The following CDH12 variants were observed in gnomAD, a reference collection of about 807,000 sequenced individuals.
CDH12 encodes the protein cadherin 12.
A neutral mutation model predicts 74.1 loss-of-function variants in CDH12; 41 were observed. The observed-to-expected ratio is 0.55, with a 90% confidence interval of 0.43 to 0.72. CDH12 has a LOEUF of 0.72. Among genes scored for constraint, CDH12 ranks in the 30% least tolerant of loss-of-function variants. The pLI is 0.00. For missense variants in CDH12, 945 were observed against 977.2 expected (o/e 0.97, Z 0.44); for synonymous variants, 399 against 355.0 (o/e 1.12, Z -1.39).
chr5:21,914,858 T>C (rs1428547395), intron 6 of CDH12, among the ~76,000 whole-genome samples: 1 of 152,218 alleles, frequency 6.6e-6, no homozygotes. Flanking sequence ...AAATTAATCA[T>C]CACATGAAAT....
chr5:22,021,795 T>C (rs184087007), intron 5 of CDH12, among the ~76,000 whole-genome samples: 1 of 152,284 alleles, frequency 6.6e-6, no homozygotes, highest in African/African-American at 2.4e-5. Flanking sequence ...TGCGGTTCTG[T>C]TATTAGAGCA....
At chr5:22,349,793 G>A (rs921284641) in intron 3 of CDH12, among the ~76,000 whole-genome samples, 11 of 152,122 alleles carry the variant, frequency 7.2e-5, no homozygotes, top group Non-Finnish European at 1.5e-5. Flanking sequence ...GGAGTGCAGT[G>A]GCGCAATCTC....
chr5:22,684,895 A>T (rs1333621760), intron 1 of CDH12, among the ~76,000 whole-genome samples: 1 of 152,170 alleles, frequency 6.6e-6, no homozygotes, highest in Admixed American at 6.5e-5. Flanking sequence ...CAGTGTCCCA[A>T]TTAATAGAAC....
intron 1 of CDH12, among the ~76,000 whole-genome samples, chr5:22,769,954 G>A (rs947068897): frequency 4.0e-5 from 6 of 151,362 alleles, no homozygotes; most frequent in African/African-American, 7.3e-5. Flanking sequence ...CAAGATACAC[G>A]CACGGACACA....
chr5:22,011,415 T>C (rs988241116), intron 5 of CDH12, among the ~76,000 whole-genome samples: 20 of 152,238 alleles, frequency 1.3e-4, no homozygotes, highest in African/African-American at 4.8e-4. Context: ...AGAAAAAGAA[T>C]AATGAGAGAT....
rs1561267984 is a variant in CDH12 at position 21,880,560 on chromosome 5, T to TTCCTTCCTTCCTTCCTTCCTTCCC, written c.527-25771_527-25770insGGGAAGGAAGGAAGGAAGGAAGGA. Among the ~76,000 whole-genome samples the TTCCTTCCTTCCTTCCTTCCTTCCC allele has an allele frequency of 6.8e-5, 8 of 117,218 alleles. No homozygotes were observed. In the East Asian group the frequency reaches 1.9e-3, roughly 28 times the overall value. The allele number at this position is 117,218 out of a possible 152,430, so 76.9% of individuals were successfully genotyped here. ...TTTCCTTCCTTCCTTCCTTCCTTCC[T>TTCCTTCCTTCCTTCCTTCCTTCCC]TCCCTTCTTTCTTTCCTTCCTTCCT... On this transcript the variant is annotated intron_variant, in intron 6 of 14. Transcript: ENST00000382254.
intron 3 of CDH12, among the ~76,000 whole-genome samples, chr5:22,301,538 A>C (rs1413687472): frequency 6.6e-6 from 1 of 152,224 alleles, no homozygotes; most frequent in Non-Finnish European, 1.5e-5. Flanking sequence ...ATATACTGCA[A>C]AATTTCAGTG....
At chr5:21,887,547 C>T (rs7720066) in intron 6 of CDH12, among the ~76,000 whole-genome samples, 5,042 of 150,620 alleles carry the variant, frequency 0.033, 90 homozygotes, top group Middle Eastern at 0.048. Flanking sequence ...GGAGACACTG[C>T]GGATCCATAG....
At chr5:22,741,956 G>A (rs568449286) in intron 1 of CDH12, among the ~76,000 whole-genome samples, 73 of 152,238 alleles carry the variant, frequency 4.8e-4, no homozygotes, top group African/African-American at 1.7e-3. Flanking sequence ...AGAGACAGGT[G>A]GATCACCTGA....
intron 1 of CDH12, among the ~76,000 whole-genome samples, chr5:22,823,364 C>A (rs1207803807): frequency 1.3e-5 from 2 of 152,056 alleles, no homozygotes; most frequent in Non-Finnish European, 2.9e-5. Flanking sequence ...GCACATCTAT[C>A]CTAAAACTTA....
At chr5:22,314,390 G>A (rs1207741178) in intron 3 of CDH12, among the ~76,000 whole-genome samples, 1 of 152,140 alleles carries the variant, frequency 6.6e-6, no homozygotes, top group African/African-American at 2.4e-5. Flanking sequence ...AATCCAGTAT[G>A]GGTGATGTCC....
At chr5:21,946,739 C>T (rs964813209) in intron 6 of CDH12, among the ~76,000 whole-genome samples, 8 of 152,174 alleles carry the variant, frequency 5.3e-5, no homozygotes, top group Admixed American at 6.5e-5. Context: ...GCTGTCTTAA[C>T]ATTATAGTCT....
intron 5 of CDH12, among the ~76,000 whole-genome samples, chr5:22,047,426 A>T (rs1271723006): frequency 6.6e-6 from 1 of 152,012 alleles, no homozygotes; most frequent in Admixed American, 6.6e-5. Flanking sequence ...CATAATGACA[A>T]CTTATTTGGG....
chr5:22,734,797 C>T (rs1744603188), intron 1 of CDH12, among the ~76,000 whole-genome samples: 1 of 151,818 alleles, frequency 6.6e-6, no homozygotes. Context: ...CGTTGTAAAC[C>T]TGTTTCCTAA....
intron 5 of CDH12, among the ~76,000 whole-genome samples, chr5:22,043,220 C>A (rs1739697930): frequency 6.6e-6 from 1 of 152,068 alleles, no homozygotes; most frequent in Non-Finnish European, 1.5e-5. Flanking sequence ...AAAACAAATA[C>A]AGCAGCATAT....
rs531541510 is a variant in CDH12 at position 22,085,353 on chromosome 5, G to A, written c.-186-6491C>T. Among the ~76,000 whole-genome samples, 4 of 152,114 alleles carry A rather than the reference G, an allele frequency of 2.6e-5. No homozygotes were observed. The East Asian group carries it at 5.8e-4, about 22-fold the overall frequency. On this transcript the variant is annotated intron_variant, in intron 4 of 14. Transcript: ENST00000382254. ...GCTTTTAAGAATAACTCCTGAAAAA[G>A]GGCAAATATATTCAATATAAATTAC...
intron 13 of CDH12, among the ~76,000 whole-genome samples, chr5:21,760,237 TGTTA>T (rs1374777939): frequency 3.3e-5 from 5 of 152,142 alleles, no homozygotes; most frequent in Admixed American, 3.3e-4. Context: ...AAGAGCTCCC[TGTTA>T]GTTAGTATAA....
intron 1 of CDH12, among the ~76,000 whole-genome samples, chr5:22,796,386 G>A (rs1298195572): frequency 6.6e-6 from 1 of 151,974 alleles, no homozygotes; most frequent in Non-Finnish European, 1.5e-5. Context: ...TCTAATTGGA[G>A]TAAGGTGGTA....
intron 1 of CDH12, among the ~76,000 whole-genome samples, chr5:22,661,993 A>G (rs1051477511): frequency 1.2e-4 from 18 of 152,120 alleles, no homozygotes; most frequent in African/African-American, 4.3e-4. Flanking sequence ...GTTTCTACAC[A>G]TGAGTTTATT....
Sources: gnomAD v4.1 joint callset for allele counts (sites outside exome capture counted in the v4.1 genomes callset) on GRCh38, gnomAD v4.1.1 for gene constraint, MANE v1.5 for transcripts, NCBI Gene and HGNC (gene_info 2026-07-23, HGNC 2026-07-21) for gene names.